GLIS3: variants seen among roughly 807,000 people sequenced by gnomAD.
GLIS3 encodes the protein zinc finger protein GLIS3.
A neutral mutation model predicts 78.6 loss-of-function variants in GLIS3; 53 were observed. That is an observed-to-expected ratio of 0.67 (90% CI 0.54 to 0.85). The LOEUF (loss-of-function observed/expected upper bound fraction) is 0.85. Ranked by LOEUF, GLIS3 falls within the 40% of genes least tolerant of loss-of-function variation. GLIS3 has a pLI of 0.00. For synonymous variants in GLIS3, 684 were observed against 509.9 expected, an observed-to-expected ratio of 1.34 and a Z score of -4.60; for missense variants, 1,703 against 1,231.1, an observed-to-expected ratio of 1.38 and a Z score of -5.74.
chr9:4,402,443 C>T, the GLIS3 span, among the ~76,000 whole-genome samples: 1 of 152,158 alleles, frequency 6.6e-6, no homozygotes, highest in African/African-American at 2.4e-5. Flanking sequence ...GCATCAACAC[C>T]ATCCAGGAAA....
At chr9:4,352,426 T>C (rs1414614773), upstream of GLIS3, among the ~76,000 whole-genome samples, 2 of 152,234 alleles carry the variant, frequency 1.3e-5, no homozygotes, top group Non-Finnish European at 2.9e-5. Context: ...CCTGTGAGGG[T>C]ATGGGGACAT....
At chr9:3,953,795 C>A (rs10974257) in intron 4 of GLIS3, among the ~76,000 whole-genome samples, 4,066 of 71,466 alleles carry the variant, frequency 0.057, 116 homozygotes, top group African/African-American at 0.12. Flanking sequence ...CTCTCTCTCT[C>A]TATATATATA....
intron 4 of GLIS3, among the ~76,000 whole-genome samples, chr9:4,110,888 T>A (rs548355244): frequency 6.6e-6 from 1 of 152,346 alleles, no homozygotes; most frequent in South Asian, 2.1e-4. Flanking sequence ...AGACGACCGC[T>A]TCTTTTTGGA....
At chr9:4,061,718 T>C (rs571760538) in intron 4 of GLIS3, among the ~76,000 whole-genome samples, 1 of 152,194 alleles carries the variant, frequency 6.6e-6, no homozygotes, top group Non-Finnish European at 1.5e-5. Context: ...AGCTTCATGA[T>C]AGCCAACAAC....
the GLIS3 span, among the ~76,000 whole-genome samples, chr9:4,398,219 T>TA: frequency 2.6e-5 from 2 of 77,478 alleles, no homozygotes; most frequent in Non-Finnish European, 2.5e-5. Context: ...CTGAGGCATA[T>TA]TTTTTTTAAT....
chr9:4,184,026 G>C (rs1380110930), intron 2 of GLIS3, among the ~76,000 whole-genome samples: 2 of 151,904 alleles, frequency 1.3e-5, no homozygotes, highest in African/African-American at 4.8e-5. Context: ...AAATCAATGA[G>C]GAACATGAAA....
chr9:4,254,281 C>CA (rs1359575265), intron 2 of GLIS3, among the ~76,000 whole-genome samples: 1 of 152,160 alleles, frequency 6.6e-6, no homozygotes, highest in Non-Finnish European at 1.5e-5. Context: ...TTCATGATAT[C>CA]AACAACATCA....
At chr9:3,996,268 A>T (rs1482289589) in intron 4 of GLIS3, among the ~76,000 whole-genome samples, 2 of 152,204 alleles carry the variant, frequency 1.3e-5, no homozygotes, top group Non-Finnish European at 2.9e-5. Context: ...CAGAAAAAAG[A>T]AAAAATATCT....
chr9:4,056,080 T>C (rs1244042041), intron 4 of GLIS3, among the ~76,000 whole-genome samples: 1 of 152,182 alleles, frequency 6.6e-6, no homozygotes. Flanking sequence ...CTGTCCCTAT[T>C]GTAGGCATCA....
chr9:4,208,324 G>C (rs1820062792), intron 2 of GLIS3, among the ~76,000 whole-genome samples: 1 of 152,202 alleles, frequency 6.6e-6, no homozygotes, highest in Admixed American at 6.5e-5. Flanking sequence ...TAAATCTCGA[G>C]ACTGCAATGG....
chr9:4,417,502 C>T, the GLIS3 span, among the ~76,000 whole-genome samples: 6 of 152,190 alleles, frequency 3.9e-5, no homozygotes, highest in African/African-American at 1.2e-4. Context: ...TGTACCAACA[C>T]TGACATAACC....
chr9:4,427,020 G>T, the GLIS3 span, among the ~76,000 whole-genome samples: 1 of 152,196 alleles, frequency 6.6e-6, no homozygotes, highest in Admixed American at 6.5e-5. Context: ...GTATCTGATA[G>T]AACCTAGCAA....
At chr9:4,077,753 C>T (rs762126206) in intron 4 of GLIS3, among the ~76,000 whole-genome samples, 7 of 152,126 alleles carry the variant, frequency 4.6e-5, no homozygotes, top group Non-Finnish European at 2.9e-5. Context: ...TGTCAGCGTC[C>T]CTCCACTAAA....
intron 6 of GLIS3, among the ~76,000 whole-genome samples, chr9:3,924,712 G>C (rs114722621): frequency 2.1e-4 from 32 of 152,292 alleles, no homozygotes; most frequent in African/African-American, 7.5e-4. Context: ...ATTGCACAAA[G>C]GACATGAATA....
chr9:4,244,972 T>C (rs368079765), intron 2 of GLIS3, among the ~76,000 whole-genome samples: 73 of 152,328 alleles, frequency 4.8e-4, no homozygotes, highest in African/African-American at 1.7e-3. Flanking sequence ...TTTTAAATTA[T>C]AGAAGAGTTA....
chr9:4,163,684 C>G (rs1206056728), intron 2 of GLIS3, among the ~76,000 whole-genome samples: 1 of 152,164 alleles, frequency 6.6e-6, no homozygotes, highest in Non-Finnish European at 1.5e-5. Flanking sequence ...CTTCAGTATT[C>G]TGAAATATTA....
Position 4,299,723 on chromosome 9 carries a change from C to G in GLIS3, c.-401G>C, listed in dbSNP as rs1282417433. On this transcript the variant is annotated 5_prime_UTR_variant, in exon 1 of 11. Coordinates refer to ENST00000381971, the MANE Select transcript of GLIS3 (RefSeq NM_001042413.2). Reference sequence around the variant, plus strand: ...CTCGGCATCAGCTCATTCTCCCCTGCTACACACATACACACACAAATAATG... The same window carrying G: ...CTCGGCATCAGCTCATTCTCCCCTGGTACACACATACACACACAAATAATG... 1 of 152,414 alleles carries G rather than the reference C, an allele frequency of 6.6e-6. No individual in the cohort carries two copies. The highest frequency in any genetic ancestry group is 1.9e-4 in the East Asian group (1 of 5,200). 9.4% of individuals were successfully genotyped at this position (152,414 alleles called of 1,614,324 possible).
intron 4 of GLIS3, chr9:4,071,793 A>G (rs529978325): frequency 7.9e-5 from 12 of 152,306 alleles, no homozygotes; most frequent in African/African-American, 2.9e-4. Context: ...TTGGGAGAAA[A>G]ATTATTAAGG....
intron 2 of GLIS3, among the ~76,000 whole-genome samples, chr9:4,226,334 A>G (rs1307363895): frequency 6.6e-6 from 1 of 152,220 alleles, no homozygotes; most frequent in Non-Finnish European, 1.5e-5. Context: ...AGGTCCATAT[A>G]CATCTTTTTA....
Sources: allele counts gnomAD v4.1 joint callset (sites outside exome capture counted in the v4.1 genomes callset), GRCh38; gene constraint gnomAD v4.1.1; transcripts MANE v1.5; gene names NCBI Gene and HGNC (gene_info 2026-07-23, HGNC 2026-07-21).